The following CCSER1 variants were observed in gnomAD, a reference collection of about 807,000 sequenced individuals.
CCSER1 encodes coiled-coil serine rich protein 1, also known as serine-rich coiled-coil domain-containing protein 1.
CCSER1 carries 41 observed loss-of-function variants against 82.0 expected under a neutral mutation model. That is an observed-to-expected ratio of 0.50 (90% CI 0.39 to 0.65). CCSER1 has a LOEUF of 0.65. Ranked by LOEUF, CCSER1 falls within the 30% of genes least tolerant of loss-of-function variation. CCSER1 has a pLI of 0.00. For synonymous variants in CCSER1, 414 were observed against 383.9 expected, an observed-to-expected ratio of 1.08 and a Z score of -0.92; for missense variants, 1,119 against 1,064.2, an observed-to-expected ratio of 1.05 and a Z score of -0.72.
In CCSER1 at chr4:91,604,543, A is replaced by G. The variant is rs890808232; in HGVS notation, c.*5486A>G. 1 of 152,080 alleles carries G rather than the reference A, an allele frequency of 6.6e-6. No homozygotes were observed. Among genetic ancestry groups the G allele is most frequent in the African/African-American group, 2.4e-5 (1 of 41,460 alleles). The allele number at this position is 152,080 out of a possible 1,614,324, so 9.4% of individuals were successfully genotyped here. A position where few individuals can be genotyped will look rare whatever the true frequency, so the allele number is the denominator to read the frequency against. ...AATGATTTTATATTTTTTAAAGTAG[A>G]GGGCCAATGAAGTGTCTAACAAAAG... On this transcript the variant is annotated 3_prime_UTR_variant, in exon 11 of 11. Coordinates refer to ENST00000509176, the MANE Select transcript of CCSER1 (RefSeq NM_001145065.2).
chr4:90,979,782 C>T (rs557364488), intron 9 of CCSER1, among the ~76,000 whole-genome samples: 17 of 151,902 alleles, frequency 1.1e-4, no homozygotes, highest in African/African-American at 2.7e-4. Flanking sequence ...CTCCATTTCA[C>T]GTTTACATTG....
intron 9 of CCSER1, among the ~76,000 whole-genome samples, chr4:91,076,743 G>C (rs921496006): frequency 6.6e-5 from 10 of 152,152 alleles, no homozygotes; most frequent in South Asian, 2.1e-4. Context: ...ACATAGAAAG[G>C]CTATGATCTT....
chr4:91,317,115 A>T lies in CCSER1; in HGVS notation c.2217+231121A>T, dbSNP rs373787024. 1.1e-4 allele frequency among the ~76,000 whole-genome samples: 17 copies of T among 152,140 alleles called. No homozygotes were observed. In the South Asian group the frequency reaches 2.9e-3, roughly 26 times the overall value. ...AATTAGATTGATTTAATCATTCCAC[A>T]ATTTATACATATATCACATTACATT... On this transcript the variant is annotated intron_variant, in intron 10 of 10. Coordinates refer to ENST00000509176, the MANE Select transcript of CCSER1 (RefSeq NM_001145065.2).
At chr4:91,124,748 A>T (rs1727360644) in intron 10 of CCSER1, among the ~76,000 whole-genome samples, 1 of 151,894 alleles carries the variant, frequency 6.6e-6, no homozygotes, top group Non-Finnish European at 1.5e-5. Flanking sequence ...AATGTGTGTG[A>T]AAGGATGAAT....
At chr4:91,297,960 T>C (rs899862769) in intron 10 of CCSER1, among the ~76,000 whole-genome samples, 1 of 151,954 alleles carries the variant, frequency 6.6e-6, no homozygotes, top group Non-Finnish European at 1.5e-5. Flanking sequence ...AGATAAAAAT[T>C]TGTTCACTTA....
intron 10 of CCSER1, among the ~76,000 whole-genome samples, chr4:91,177,889 T>A (rs986524244): frequency 1.3e-5 from 2 of 152,230 alleles, no homozygotes; most frequent in Non-Finnish European, 2.9e-5. Flanking sequence ...CTCTAGTTCT[T>A]TAATTGTGAT....
chr4:91,123,058 T>C (rs185964067), intron 10 of CCSER1, among the ~76,000 whole-genome samples: 2 of 151,756 alleles, frequency 1.3e-5, no homozygotes, highest in Admixed American at 1.3e-4. Flanking sequence ...AAAAATAGAG[T>C]TGGGCCTTTA....
At chr4:91,320,046 G>A (rs1746091387) in intron 10 of CCSER1, among the ~76,000 whole-genome samples, 1 of 151,970 alleles carries the variant, frequency 6.6e-6, no homozygotes. Flanking sequence ...TGCTGTCTGT[G>A]CTACCTGCCC....
intron 7 of CCSER1, among the ~76,000 whole-genome samples, chr4:90,756,980 AGATTTAACCTAG>A (rs1236729037): frequency 6.6e-6 from 1 of 152,194 alleles, no homozygotes; most frequent in East Asian, 1.9e-4. Flanking sequence ...ATGAAAACTT[AGATTTAACCTAG>A]ATTAGAACTT....
At chr4:91,114,144 G>A (rs1173224809) in intron 10 of CCSER1, among the ~76,000 whole-genome samples, 3 of 152,128 alleles carry the variant, frequency 2.0e-5, no homozygotes, top group Admixed American at 2.0e-4. Flanking sequence ...GAGCCACCAT[G>A]CCCAGCCAAT....
At chr4:90,892,195 T>A (rs915206639) in intron 8 of CCSER1, among the ~76,000 whole-genome samples, 8 of 151,972 alleles carry the variant, frequency 5.3e-5, no homozygotes. Flanking sequence ...ATGGGTAGAG[T>A]TTTTTTGATA....
chr4:91,530,684 CTTT>C lies in CCSER1; in HGVS notation c.2218-67874_2218-67872del, dbSNP rs35485374. Among the ~76,000 whole-genome samples the C allele has an allele frequency of 3.6e-3, 497 of 136,458 alleles. 2 individuals are homozygous for C. Among genetic ancestry groups the C allele is most frequent in the African/African-American group, 0.011 (397 of 36,372 alleles). 89.5% of individuals were successfully genotyped at this position (136,458 alleles called of 152,430 possible). ...GTTATAAAGAATTGTATTTTTCTTT[CTTT>C]TTTTTTTTTTTTTGAGACAGAGTTT... On this transcript the variant is annotated intron_variant, in intron 10 of 10. Coordinates refer to ENST00000509176, the MANE Select transcript of CCSER1 (RefSeq NM_001145065.2).
chr4:91,423,003 T>G (rs1257366071), intron 10 of CCSER1, among the ~76,000 whole-genome samples: 3 of 152,136 alleles, frequency 2.0e-5, no homozygotes, highest in Admixed American at 1.3e-4. Context: ...CACTGAAAAT[T>G]AAGACATAAT....
intron 6 of CCSER1, among the ~76,000 whole-genome samples, chr4:90,631,322 G>A (rs1724380887): frequency 6.6e-6 from 1 of 152,022 alleles, no homozygotes; most frequent in South Asian, 2.1e-4. Flanking sequence ...CATGAGTATT[G>A]CATTTGTATA....
chr4:90,613,844 C>A (rs1025211775), intron 5 of CCSER1, among the ~76,000 whole-genome samples: 15 of 152,150 alleles, frequency 9.9e-5, no homozygotes, highest in African/African-American at 3.6e-4. Flanking sequence ...ACTCCTGTGA[C>A]CAGCTTCTAA....
intron 1 of CCSER1, among the ~76,000 whole-genome samples, chr4:90,247,696 A>G (rs1244989549): frequency 3.3e-5 from 5 of 152,046 alleles, no homozygotes; most frequent in Non-Finnish European, 2.9e-5. Flanking sequence ...CTAAACGTAT[A>G]ATTAGGAATA....
intron 6 of CCSER1, among the ~76,000 whole-genome samples, chr4:90,652,398 A>G (rs1027185320): frequency 3.9e-5 from 6 of 152,172 alleles, no homozygotes; most frequent in Non-Finnish European, 7.3e-5. Context: ...TCAGATTTTC[A>G]GCACTTTTCT....
intron 5 of CCSER1, among the ~76,000 whole-genome samples, chr4:90,487,156 C>T (rs533296617): frequency 1.1e-4 from 16 of 152,328 alleles, no homozygotes; most frequent in African/African-American, 3.8e-4. Context: ...AGGTGATCCA[C>T]CTGCCTTGGC....
chr4:91,180,765 T>A (rs1371157350), intron 10 of CCSER1, among the ~76,000 whole-genome samples: 1 of 152,128 alleles, frequency 6.6e-6, no homozygotes, highest in Non-Finnish European at 1.5e-5. Context: ...TATAGAGGTG[T>A]GAAATGGGAA....
Sources: allele counts gnomAD v4.1 joint callset (sites outside exome capture counted in the v4.1 genomes callset), GRCh38; gene constraint gnomAD v4.1.1; transcripts MANE v1.5; gene names NCBI Gene and HGNC (gene_info 2026-07-23, HGNC 2026-07-21).